The following KIF14 variants were observed in gnomAD, a reference collection of about 807,000 sequenced individuals.
KIF14 encodes kinesin-like protein KIF14.
A neutral mutation model predicts 176.2 loss-of-function variants in KIF14; 98 were observed. The ratio of observed to expected loss-of-function variants is 0.56; its 90% CI spans 0.47 to 0.66. The LOEUF (loss-of-function observed/expected upper bound fraction) is 0.66, where lower values mean the gene tolerates loss of function less well. Ranked by LOEUF, KIF14 falls within the 30% of genes least tolerant of loss-of-function variation. The probability of loss-of-function intolerance (pLI) is 0.00; values close to 1 mark genes in which losing one functional copy is unlikely to be tolerated. For missense variants in KIF14, 1,751 were observed against 1,920.4 expected, an observed-to-expected ratio of 0.91 and a Z score of 1.65; for synonymous variants, 566 against 632.2, an observed-to-expected ratio of 0.90 and a Z score of 1.57.
intron 20 of KIF14, 88 bp from the exon 21 acceptor site, chr1:200,580,471 T>C: frequency 1.4e-6 from 1 of 738,446 alleles, no homozygotes; most frequent in Non-Finnish European, 1.9e-6. Context: ...ATAATTTCCC[T>C]AAAAATTCCA....
intron 2 of KIF14, 107 bp from the exon 3 acceptor site, chr1:200,615,716 C>A: frequency 3.1e-6 from 3 of 962,296 alleles, no homozygotes; most frequent in Middle Eastern, 3.3e-4. Flanking sequence ...TCTTCCAAGG[C>A]AAGATAATTC....
intron 14 of KIF14, among the ~76,000 whole-genome samples, chr1:200,596,561 C>CTTTTTTTT (rs60386347): frequency 2.9e-5 from 3 of 102,708 alleles, no homozygotes; most frequent in Admixed American, 1.2e-4. Flanking sequence ...GTACAACAGT[C>CTTTTTTTT]TTTTTTTTTT....
intron 23 of KIF14, 85 bp from the exon 24 acceptor site, chr1:200,565,754 A>G (rs1657414416): frequency 1.2e-6 from 1 of 833,068 alleles, no homozygotes; most frequent in African/African-American, 1.7e-5. Context: ...TACTTTATGT[A>G]CTTCTGCATT....
chr1:200,563,099 C>T (rs1051032089), intron 25 of KIF14, among the ~76,000 whole-genome samples: 6 of 152,122 alleles, frequency 3.9e-5, no homozygotes, highest in African/African-American at 9.7e-5. Flanking sequence ...GGGAGAACAA[C>T]GGACATTAAA....
At chr1:200,564,122 C>G (rs1179644353) in intron 25 of KIF14, among the ~76,000 whole-genome samples, 2 of 151,832 alleles carry the variant, frequency 1.3e-5, no homozygotes, top group South Asian at 2.1e-4. Flanking sequence ...ATTAGCCGAG[C>G]ATGGTGGTGA....
intron 5 of KIF14, among the ~76,000 whole-genome samples, chr1:200,607,256 C>T (rs775427612): frequency 5.3e-5 from 8 of 152,012 alleles, no homozygotes; most frequent in South Asian, 2.1e-4. Context: ...TCTCCTACCT[C>T]GGCCTTCTGA....
chr1:200,602,742 T>A (rs897120503), intron 10 of KIF14, among the ~76,000 whole-genome samples: 1 of 152,016 alleles, frequency 6.6e-6, no homozygotes, highest in Non-Finnish European at 1.5e-5. Context: ...TATTGAAAAT[T>A]AAATATACAT....
At position 200,569,416 on chromosome 1, in the gene KIF14, G is replaced by T. The variant is rs150678002; in HGVS notation, c.3661+495C>A. Among the ~76,000 whole-genome samples, 771 of 152,110 alleles carry T rather than the reference G, an allele frequency of 5.1e-3. 11 individuals carry two copies. The highest frequency in any genetic ancestry group is 0.018 in the African/African-American group (750 of 41,488). On this transcript the variant is annotated intron_variant, in intron 23 of 29. Coordinates refer to ENST00000367350, the MANE Select transcript of KIF14 (RefSeq NM_014875.3). ...GGATAGATGATACACAGATCATTAT[G>T]CAAAATTCAGAAGAAACCAAAGGGG... is the stretch of plus-strand genomic sequence containing the variant.
intron 23 of KIF14, among the ~76,000 whole-genome samples, chr1:200,567,107 G>T (rs2102598436): frequency 6.6e-6 from 1 of 151,414 alleles, no homozygotes; most frequent in Non-Finnish European, 1.5e-5. Context: ...CTGGGAGGAG[G>T]TTGCAGTGAG....
At chr1:200,577,959 T>C (rs992708044) in intron 21 of KIF14, among the ~76,000 whole-genome samples, 1 of 151,704 alleles carries the variant, frequency 6.6e-6, no homozygotes, top group East Asian at 1.9e-4. Flanking sequence ...CTTTGTTGTT[T>C]TTTTTTTTTC....
intron 6 of KIF14, 52 bp downstream of exon 6, chr1:200,606,694 C>T: frequency 7.2e-7 from 1 of 1,392,794 alleles, no homozygotes; most frequent in Admixed American, 1.7e-5. Context: ...GAGTAACATT[C>T]ACTCTATTCA....
At chr1:200,591,719 G>C (rs1176192171) in intron 16 of KIF14, among the ~76,000 whole-genome samples, 1 of 152,148 alleles carries the variant, frequency 6.6e-6, no homozygotes, top group Non-Finnish European at 1.5e-5. Context: ...AACCTTCCCT[G>C]ATAACCGGTC....
At chr1:200,581,840 C>G (rs1344564449) in intron 19 of KIF14, among the ~76,000 whole-genome samples, 1 of 143,862 alleles carries the variant, frequency 7.0e-6, no homozygotes, top group African/African-American at 2.6e-5. Flanking sequence ...TCAAGCATGG[C>G]TCACTGCAGC....
intron 13 of KIF14, among the ~76,000 whole-genome samples, chr1:200,598,755 C>T (rs1195684627): frequency 1.3e-5 from 2 of 151,984 alleles, no homozygotes; most frequent in Non-Finnish European, 1.5e-5. Context: ...GATAGGGTTT[C>T]GTCATGTTGA....
chr1:200,605,746 G>T, intron 7 of KIF14, 118 bp downstream of exon 7: 1 of 649,898 alleles, frequency 1.5e-6, no homozygotes, highest in African/African-American at 2.0e-5. Flanking sequence ...ATCGGTTTGT[G>T]ATAAATTAAG....
In KIF14 at chr1:200,553,284, A is replaced by G; in HGVS notation, c.*104T>C. The G allele has an allele frequency of 8.3e-7, 1 of 1,200,402 alleles. No individual in the cohort carries two copies. The highest frequency in any genetic ancestry group is 1.1e-6 in the Non-Finnish European group (1 of 871,746). The allele number at this position is 1,200,402 out of a possible 1,614,324, so 74.4% of individuals were successfully genotyped here. On this transcript the variant is annotated 3_prime_UTR_variant, in exon 30 of 30. Coordinates refer to ENST00000367350, the MANE Select transcript of KIF14 (RefSeq NM_014875.3). ...ATAAAAAGACATGGACTTTTTTGAA[A>G]TATCTGTGCTGATTTCTCTTAAACT... is the stretch of plus-strand genomic sequence containing the variant.
At chr1:200,576,303 C>A (rs1658101972) in intron 21 of KIF14, among the ~76,000 whole-genome samples, 1 of 151,764 alleles carries the variant, frequency 6.6e-6, no homozygotes, top group Admixed American at 6.6e-5. Flanking sequence ...ACGGTGAAAC[C>A]CCGTCTCTAC....
chr1:200,573,427 C>CTTTT (rs869174532), intron 22 of KIF14, among the ~76,000 whole-genome samples: 784 of 77,702 alleles, frequency 0.01, 62 homozygotes, highest in African/African-American at 0.027. Context: ...GAGCTCATTT[C>CTTTT]TTTTTTTTTT....
At position 200,618,085 on chromosome 1, in the gene KIF14, C is replaced by G. The variant is rs778342051; in HGVS notation, c.639G>C (p.Lys213Asn). ...CAATGGGTGGTCTATTACTTGAGTA[C>G]TTAAGTGCAACATTTTCATTTGCTC... ...PSRANENVAL[K>N]YSSNRPPIAS... is the part of the protein sequence containing the mutation. The change falls in exon 2 of 30, where the codon AAG becomes AAC. Residue 213 changes from lysine to asparagine, a missense_variant. Transcript: ENST00000367350. 1.2e-6 allele frequency: 2 copies of G among 1,614,008 alleles called. No individual in the cohort carries two copies. Among genetic ancestry groups the G allele is most frequent in the African/African-American group, 2.7e-5 (2 of 74,928 alleles).
Sources: gnomAD v4.1 joint callset for allele counts (sites outside exome capture counted in the v4.1 genomes callset) on GRCh38, gnomAD v4.1.1 for gene constraint, MANE v1.5 for transcripts, NCBI Gene and HGNC (gene_info 2026-07-23, HGNC 2026-07-21) for gene names.